ADA2: variants seen among roughly 807,000 people sequenced by gnomAD.
The protein encoded by ADA2 is adenosine deaminase CECR1.
A neutral mutation model predicts 44.2 loss-of-function variants in ADA2; 29 were observed. That is an observed-to-expected ratio of 0.66 (90% CI 0.49 to 0.89). ADA2 has a LOEUF of 0.89. ADA2 is among the 40% of genes least tolerant of loss of function. ADA2 has a pLI of 0.00. For synonymous variants in ADA2, 215 were observed against 234.9 expected (o/e 0.92, Z 0.77); for missense variants, 637 against 644.8 (o/e 0.99, Z 0.13).
intron 7 of ADA2, among the ~76,000 whole-genome samples, chr22:17,186,745 C>T (rs1413448161): frequency 1.3e-5 from 2 of 150,208 alleles, no homozygotes; most frequent in East Asian, 3.9e-4. Flanking sequence ...GGTGCATGCC[C>T]GTAATCCCAG....
At chr22:17,221,623 T>C (rs1601476073), upstream of ADA2, 1 of 152,248 alleles carries the variant, frequency 6.6e-6, no homozygotes, top group Non-Finnish European at 1.5e-5. Flanking sequence ...GTGTGGCAGC[T>C]GGCAGAGGAC....
intron 3 of ADA2, among the ~76,000 whole-genome samples, chr22:17,206,412 AGGCTGCTGTGAGC>A (rs2062354285): frequency 1.5e-4 from 4 of 25,992 alleles, no homozygotes; most frequent in South Asian, 9.9e-4. Flanking sequence ...AGCCAAGATC[AGGCTGCTGTGAGC>A]CAAGATCACG....
chr22:17,207,365 G>A, intron 2 of ADA2, 75 bp from the exon 3 acceptor site: 1 of 1,119,838 alleles, frequency 8.9e-7, no homozygotes, highest in Non-Finnish European at 1.3e-6. Flanking sequence ...GGGGACAAAG[G>A]AGGGGGTGAA....
At chr22:17,195,401 C>T (rs1219884826) in intron 4 of ADA2, among the ~76,000 whole-genome samples, 1 of 151,842 alleles carries the variant, frequency 6.6e-6, no homozygotes, top group Non-Finnish European at 1.5e-5. Flanking sequence ...TGGTGGTGGG[C>T]GCCTGTAATC....
At chr22:17,209,889 ATTT>A (rs532707544) in intron 1 of ADA2, 166 bp from the exon 2 acceptor site, 1,787 of 397,922 alleles carry the variant, frequency 4.5e-3, no homozygotes, top group Middle Eastern at 9.1e-3. Context: ...GGGTTTCCCA[ATTT>A]TTTTTTTTTT....
At chr22:17,197,639 T>C (rs2062209515) in intron 4 of ADA2, among the ~76,000 whole-genome samples, 1 of 152,238 alleles carries the variant, frequency 6.6e-6, no homozygotes, top group African/African-American at 2.4e-5. Flanking sequence ...GAGCTTCTAC[T>C]ACATGCCAGG....
At chr22:17,213,371 A>T (rs1321426716) in intron 1 of ADA2, 1 of 161,238 alleles carries the variant, frequency 6.2e-6, no homozygotes, top group Non-Finnish European at 1.3e-5. Flanking sequence ...TCAGTATGTC[A>T]AAGGGATACC....
chr22:17,197,897 G>C (rs910918797), intron 4 of ADA2, among the ~76,000 whole-genome samples: 2 of 152,146 alleles, frequency 1.3e-5, no homozygotes, highest in African/African-American at 4.8e-5. Flanking sequence ...AATTAGCCGG[G>C]TGTGGTGGCA....
Position 17,194,294 on chromosome 22 carries a change from C to T in ADA2, c.754-2484G>A, listed in dbSNP as rs183478374. Among the ~76,000 whole-genome samples the T allele has an allele frequency of 3.3e-5, 5 of 152,288 alleles. No homozygotes were observed. In the East Asian group the frequency reaches 9.7e-4, roughly 29 times the overall value. On this transcript the variant is annotated intron_variant, in intron 4 of 9. Coordinates refer to ENST00000399837, the MANE Select transcript of ADA2 (RefSeq NM_001282225.2). ...GTCGGCTCTTGCCTCTGTGGCATCT[C>T]AGGAAATGGGCCCTTGGGAGTCCAC...
At chr22:17,221,848 T>C (rs2062525863), upstream of ADA2, 1 of 152,214 alleles carries the variant, frequency 6.6e-6, no homozygotes, top group South Asian at 2.1e-4. Context: ...CCTCTGTGGC[T>C]AAAACCAGCT....
Position 17,182,735 on chromosome 22 carries a change from TC to T in ADA2, c.1107del (p.Asn370ThrfsTer6). 1 of 1,613,884 alleles carries T rather than the reference TC, an allele frequency of 6.2e-7. No individual in the cohort carries two copies. The highest frequency in any genetic ancestry group is 1.1e-5 in the South Asian group (1 of 91,058). ...TTCAGCATCAGAGCATCCAGAATGT[TC>T]CTGTCTATGGAAGTACCCTGCCAGT... is the stretch of plus-strand genomic sequence containing the variant. ...ETDWQGTSID[R>X]NILDALMLNT... On this transcript the variant is annotated frameshift_variant, in exon 8 of 10. Coordinates refer to ENST00000399837, the MANE Select transcript of ADA2 (RefSeq NM_001282225.2). LOFTEE classifies it high-confidence loss of function.
intron 4 of ADA2, chr22:17,199,448 C>CCTCCCCCCCGCT: frequency 8.9e-7 from 1 of 1,129,592 alleles, no homozygotes; most frequent in Non-Finnish European, 1.3e-6. Context: ...TCTTCCCCTC[C>CCTCCCCCCCGCT]ACCCACGAAG....
intron 4 of ADA2, chr22:17,199,440 T>TTCCCCTCCCTCCCCACCACTAACCTCA: frequency 9.7e-7 from 1 of 1,027,942 alleles, no homozygotes; most frequent in Non-Finnish European, 1.5e-6. Context: ...CTCTATCCTC[T>TTCCCCTCCCTCCCCACCACTAACCTCA]TCCCCTCCAC....
At position 17,191,759 on chromosome 22, in the gene ADA2, A is replaced by G; in HGVS notation, c.805T>C (p.Tyr269His). The stretch of plus-strand genomic sequence containing the variant: ...ACAAACTTCTGAGCTACTTCCTGGT[A>G]AGTCTTCACTGACCACTCTTCGTCA... ...HHDEEWSVKT[Y>H]QEVAQKFVET... The change falls in exon 5 of 10, where the codon TAC (tyrosine) becomes CAC (histidine). Residue 269 changes from tyrosine (Y) to histidine (H), a missense_variant. Transcript: ENST00000399837. The G allele has an allele frequency of 6.2e-7, 1 of 1,611,908 alleles. No homozygotes were observed. The highest frequency in any genetic ancestry group is 8.5e-7 in the Non-Finnish European group (1 of 1,178,016).
At chr22:17,202,453 G>C in intron 4 of ADA2, among the ~76,000 whole-genome samples, 1 of 151,982 alleles carries the variant, frequency 6.6e-6, no homozygotes. Context: ...TTTTAGTAGA[G>C]ATGGAATTTC....
chr22:17,182,733 G>A lies in ADA2; in HGVS notation c.1110C>T (p.Asn370=), dbSNP rs1489114116. 1.2e-6 allele frequency: 2 copies of A among 1,613,618 alleles called. No homozygotes were observed. The highest frequency in any genetic ancestry group is 1.3e-5 in the African/African-American group (1 of 74,898). The change falls in exon 8 of 10, where the codon AAC becomes AAT. Residue 370 remains asparagine (N), a synonymous_variant. Transcript: ENST00000399837. ...TDWQGTSIDR[N]ILDALMLNTT... ...TGTTCAGCATCAGAGCATCCAGAAT[G>A]TTCCTGTCTATGGAAGTACCCTGCC...
At chr22:17,192,441 A>G (rs947973146) in intron 4 of ADA2, among the ~76,000 whole-genome samples, 3 of 152,084 alleles carry the variant, frequency 2.0e-5, no homozygotes, top group Admixed American at 2.0e-4. Context: ...AGCAGCTGCA[A>G]GGCGGCCACT....
At chr22:17,188,664 AGT>A (rs914408931) in intron 6 of ADA2, 2 of 364,776 alleles carry the variant, frequency 5.5e-6, no homozygotes, top group African/African-American at 2.1e-5. Context: ...CAGATCACGA[AGT>A]CAGGAGATCG....
intron 7 of ADA2, among the ~76,000 whole-genome samples, chr22:17,187,490 A>G (rs906421408): frequency 2.6e-5 from 4 of 151,898 alleles, no homozygotes; most frequent in African/African-American, 9.7e-5. Flanking sequence ...AAGTTTTGCC[A>G]TGTTGCCCTG....
Sources: gnomAD v4.1 joint callset for allele counts (sites outside exome capture counted in the v4.1 genomes callset) on GRCh38, gnomAD v4.1.1 for gene constraint, MANE v1.5 for transcripts, NCBI Gene and HGNC (gene_info 2026-07-23, HGNC 2026-07-21) for gene names.